The following MRPL38 variants were observed in gnomAD, a reference collection of about 807,000 sequenced individuals.
MRPL38 encodes the protein large ribosomal subunit protein mL38.
In MRPL38, 51 loss-of-function variants were observed where a neutral mutation model predicts 52.1. That is an observed-to-expected ratio of 0.98 (90% CI 0.78 to 1.24). The LOEUF (loss-of-function observed/expected upper bound fraction) is 1.24, where lower values mean the gene tolerates loss of function less well. Ranked by LOEUF, MRPL38 falls within the 50% of genes most tolerant of loss-of-function variation. The pLI is 0.00. For missense variants in MRPL38, 527 were observed against 518.6 expected, an observed-to-expected ratio of 1.02 and a Z score of -0.16; for synonymous variants, 245 against 212.7, an observed-to-expected ratio of 1.15 and a Z score of -1.32.
rs1428715301 is a variant in MRPL38 at position 75,904,552 on chromosome 17, C to T, written c.235G>A (p.Gly79Arg). 7 of 1,557,646 alleles carry T rather than the reference C, an allele frequency of 4.5e-6. No individual in the cohort carries two copies. The East Asian group carries it at 1.4e-4, about 30-fold the overall frequency. ...AGTCGCCCCGCACCTGTCTTCTCCCCGAAATACTCTCGGTAGGTCCGCCAC... is the reference window on the plus strand; with the variant it reads ...AGTCGCCCCGCACCTGTCTTCTCCCTGAAATACTCTCGGTAGGTCCGCCAC... Reference protein sequence around the residue: ...HWWRTYREYFGEKTDPKEKID... With the variant: ...HWWRTYREYFREKTDPKEKID... The change falls in exon 2 of 9, where the codon GGG becomes AGG. Residue 79 changes from glycine (G) to arginine (R), a missense_variant. By Grantham distance (125) the Gly-to-Arg change is moderately radical (BLOSUM62 -2). Coordinates refer to ENST00000309352, the MANE Select transcript of MRPL38 (RefSeq NM_032478.4).
intron 2 of MRPL38, among the ~76,000 whole-genome samples, chr17:75,903,574 G>A (rs965042939): frequency 2.0e-5 from 3 of 152,174 alleles, no homozygotes; most frequent in African/African-American, 7.2e-5. Flanking sequence ...GACATTATCC[G>A]AGAGGCTGAG....
chr17:75,900,827 A>G, intron 6 of MRPL38, 155 bp downstream of exon 6: 4 of 1,436,024 alleles, frequency 2.8e-6, no homozygotes, highest in Non-Finnish European at 3.7e-6. Context: ...AGACACGTGG[A>G]TCCCAGGGCC....
chr17:75,901,166 C>T lies in MRPL38; in HGVS notation c.664+35G>A, dbSNP rs373255929. ...AGGGCCCTGGCTCATAGGAGGTGAGCGGGGCAGGAGGCCTGGTGAGCCCCA... is the reference window on the plus strand; with the variant it reads ...AGGGCCCTGGCTCATAGGAGGTGAGTGGGGCAGGAGGCCTGGTGAGCCCCA... On this transcript the variant is annotated intron_variant, in intron 5 of 8. Transcript: ENST00000309352. The surrounding 1 kb of genome is among the most constrained non-coding windows in gnomAD (Gnocchi z 5.7). 4.5e-5 allele frequency: 73 copies of T among 1,610,786 alleles called. No individual in the cohort carries two copies. The highest frequency in any genetic ancestry group is 5.5e-5 in the South Asian group (5 of 90,480).
Position 75,902,143 on chromosome 17 carries a change from T to G in MRPL38, c.259A>C (p.Lys87Gln). 1 of 1,561,252 alleles carries G rather than the reference T, an allele frequency of 6.4e-7. No homozygotes were observed. The highest frequency in any genetic ancestry group is 1.4e-5 in the African/African-American group (1 of 73,528). ...YFGEKTDPKEKIDIGLPPPKV... is the reference protein window; with the variant it reads ...YFGEKTDPKEQIDIGLPPPKV... ...GGTGGAGGCAGCCCAATATCAATCT[T>G]CTCTTTGGGATCTGGAGTGGGAAGA... Residue 87 changes from lysine (K) to glutamine (Q), a missense_variant, in exon 3 of 9, where the codon AAG becomes CAG. Transcript: ENST00000309352.
chr17:75,899,454 AAG>A, intron 7 of MRPL38, 60 bp downstream of exon 7: 1 of 1,533,966 alleles, frequency 6.5e-7, no homozygotes, highest in South Asian at 1.3e-5. Context: ...AGAACTGAGC[AAG>A]AGTGACCGTT....
rs531644420 is a variant in MRPL38 at position 75,900,165 on chromosome 17, C to T, written c.711-491G>A. The T allele has an allele frequency of 2.2e-3, 336 of 152,590 alleles. 2 individuals carry two copies. The highest frequency in any genetic ancestry group is 3.9e-3 in the Non-Finnish European group (266 of 68,194). The allele number at this position is 152,590 out of a possible 1,614,324, so 9.5% of individuals were successfully genotyped here. A position where few individuals can be genotyped will look rare whatever the true frequency, so the allele number is the denominator to read the frequency against. ...CGGAAACCAGCCTCCCAGTCACTGT[C>T]CCCAGTTAACCAGAAGGCTCAAAGT... On this transcript the variant is annotated intron_variant, in intron 6 of 8. Coordinates refer to ENST00000309352, the MANE Select transcript of MRPL38 (RefSeq NM_032478.4).
At chr17:75,899,699 A>C (rs1599472172) in intron 6 of MRPL38, 25 bp from the exon 7 acceptor site, 4 of 1,536,698 alleles carry the variant, frequency 2.6e-6, no homozygotes, top group South Asian at 2.5e-5. Context: ...GTCCCGGTTA[A>C]TTACCACTCC....
Position 75,904,586 on chromosome 17 carries a change from G to A in MRPL38, c.201C>T (p.Ala67=). 3 of 1,585,870 alleles carry A rather than the reference G, an allele frequency of 1.9e-6. No individual in the cohort carries two copies. Among genetic ancestry groups the A allele is most frequent in the Non-Finnish European group, 2.6e-6 (3 of 1,174,266 alleles). The change falls in exon 2 of 9, where the codon GCC becomes GCT. Residue 67 remains alanine, a synonymous_variant. Coordinates refer to ENST00000309352, the MANE Select transcript of MRPL38 (RefSeq NM_032478.4). ...CTCGGTAGGTCCGCCACCAGTGCGG[G>A]GCCTGCGCCTCCTGCTCTGCTCGGC... is the stretch of plus-strand genomic sequence containing the variant. ...YRRRAEQEAQ[A]PHWWRTYREY...
chr17:75,904,532 C>T lies in MRPL38; in HGVS notation c.247+8G>A. On this transcript the variant is annotated splice_region_variant and intron_variant, in intron 2 of 8. Coordinates refer to ENST00000309352, the MANE Select transcript of MRPL38 (RefSeq NM_032478.4). ...GTGGCTGCAGCCCCTGCTCCAGTCGCCCCGCACCTGTCTTCTCCCCGAAAT... is the reference window on the plus strand; with the variant it reads ...GTGGCTGCAGCCCCTGCTCCAGTCGTCCCGCACCTGTCTTCTCCCCGAAAT... 6.6e-7 allele frequency: 1 copy of T among 1,526,536 alleles called. No individual in the cohort carries two copies. Among genetic ancestry groups the T allele is most frequent in the Non-Finnish European group, 8.7e-7 (1 of 1,145,776 alleles). The allele number at this position is 1,526,536 out of a possible 1,614,324, so 94.6% of individuals were successfully genotyped here.
intron 2 of MRPL38, among the ~76,000 whole-genome samples, chr17:75,903,345 G>A (rs773228489): frequency 6.6e-6 from 1 of 152,186 alleles, no homozygotes; most frequent in Non-Finnish European, 1.5e-5. Flanking sequence ...GGAGGCAGAG[G>A]TTGCAGTGAG....
At chr17:75,902,404 C>G in intron 2 of MRPL38, 1 of 492,178 alleles carries the variant, frequency 2.0e-6, no homozygotes, top group South Asian at 2.7e-5. Context: ...TGCGCCCAGC[C>G]ATGGTAGCTA....
In MRPL38 at chr17:75,901,337, T is replaced by C; in HGVS notation, c.592-64A>G. Reference sequence around the variant, plus strand: ...ACAGGCCAGCTGTTGCAGGGAGCCTTGGAGAAAGGGGTGCCCACTCTGACC... The same window carrying C: ...ACAGGCCAGCTGTTGCAGGGAGCCTCGGAGAAAGGGGTGCCCACTCTGACC... On this transcript the variant is annotated intron_variant, in intron 4 of 8. Coordinates refer to ENST00000309352, the MANE Select transcript of MRPL38 (RefSeq NM_032478.4). This position sits in a 1 kb window ranked among gnomAD's most constrained non-coding sequence, Gnocchi z 5.7. The C allele has an allele frequency of 6.5e-7, 1 of 1,528,682 alleles. No individual in the cohort carries two copies. Among genetic ancestry groups the C allele is most frequent in the Non-Finnish European group, 9.0e-7 (1 of 1,114,624 alleles). The allele number at this position is 1,528,682 out of a possible 1,614,324, so 94.7% of individuals were successfully genotyped here. A position where few individuals can be genotyped will look rare whatever the true frequency, so the allele number is the denominator to read the frequency against.
chr17:75,899,945 G>C (rs375621440), intron 6 of MRPL38: 1 of 276,604 alleles, frequency 3.6e-6, no homozygotes, highest in East Asian at 6.3e-5. Context: ...CAGGCCCCGG[G>C]AGCCGGTGGG....
chr17:75,899,165 C>T lies in MRPL38; in HGVS notation c.999G>A (p.Gln333=), dbSNP rs201382082. ...CAGCCCCATGGCCCTTACCCAGAAG[C>T]TGGTGGAAGATGTAGGTGACGGAGT... is the stretch of plus-strand genomic sequence containing the variant. The part of the protein sequence containing the change: ...WDDSVTYIFH[Q]LLDMREPVFE... Residue 333 remains glutamine, a synonymous_variant, in exon 8 of 9, where the codon CAG becomes CAA. Coordinates refer to ENST00000309352, the MANE Select transcript of MRPL38 (RefSeq NM_032478.4). 4.4e-6 allele frequency: 7 copies of T among 1,602,782 alleles called. No individual in the cohort carries two copies. The African/African-American group carries it at 8.0e-5, about 18-fold the overall frequency.
In MRPL38 at chr17:75,899,652, C is replaced by A. The variant is rs760404060; in HGVS notation, c.733G>T (p.Val245Leu). ...GGACACGTCACCTGTCCTTCAGCCA[C>A]CCGGTTACCCGGGATGTTGGTTCTG... is the stretch of plus-strand genomic sequence containing the variant. ...WLLTNIPGNRVAEGQVTCPYL... is the reference protein window; with the variant it reads ...WLLTNIPGNRLAEGQVTCPYL... Residue 245 changes from valine to leucine, a missense_variant, in exon 7 of 9, where the codon GTG becomes TTG. Physicochemically the swap from Val to Leu is conservative, Grantham distance 32 (BLOSUM62 1). Transcript: ENST00000309352. 6.3e-7 allele frequency: 1 copy of A among 1,580,838 alleles called. No homozygotes were observed. The highest frequency in any genetic ancestry group is 8.6e-7 in the Non-Finnish European group (1 of 1,161,800).
At chr17:75,904,315 T>C in intron 2 of MRPL38, 1 of 702,582 alleles carries the variant, frequency 1.4e-6, no homozygotes, top group Non-Finnish European at 2.7e-6. Context: ...GCTGGAACTC[T>C]AATAGTAGGG....
chr17:75,903,402 C>T (rs2065413983), intron 2 of MRPL38, among the ~76,000 whole-genome samples: 2 of 152,088 alleles, frequency 1.3e-5, no homozygotes, highest in Admixed American at 6.5e-5. Flanking sequence ...CGAGCCTCTG[C>T]CTTAAAACAA....
At chr17:75,900,828 T>A in intron 6 of MRPL38, 154 bp downstream of exon 6, 1 of 1,436,930 alleles carries the variant, frequency 7.0e-7, no homozygotes, top group Non-Finnish European at 9.1e-7. Flanking sequence ...GACACGTGGA[T>A]CCCAGGGCCC....
At chr17:75,903,357 CA>C (rs2065413494) in intron 2 of MRPL38, among the ~76,000 whole-genome samples, 2 of 152,148 alleles carry the variant, frequency 1.3e-5, no homozygotes, top group Non-Finnish European at 2.9e-5. Context: ...TGCAGTGAGT[CA>C]TCGCACCACT....
Sources: allele counts gnomAD v4.1 joint callset (sites outside exome capture counted in the v4.1 genomes callset), GRCh38; gene constraint gnomAD v4.1.1; non-coding constraint Gnocchi (gnomAD v3.1); transcripts MANE v1.5; gene names NCBI Gene and HGNC (gene_info 2026-07-23, HGNC 2026-07-21).